MACROD2: variants seen among roughly 807,000 people sequenced by gnomAD.
MACROD2 encodes the protein ADP-ribose glycohydrolase MACROD2.
MACROD2 carries 36 observed loss-of-function variants against 70.4 expected under a neutral mutation model. The ratio of observed to expected loss-of-function variants is 0.51; its 90% CI spans 0.39 to 0.68. The LOEUF (loss-of-function observed/expected upper bound fraction) is 0.68. Ranked by LOEUF, MACROD2 falls within the 30% of genes least tolerant of loss-of-function variation. The pLI is 0.00. For missense variants in MACROD2, 496 were observed against 538.4 expected (o/e 0.92, Z 0.78); for synonymous variants, 172 against 178.8 (o/e 0.96, Z 0.30).
intron 17 of MACROD2, among the ~76,000 whole-genome samples, chr20:16,046,089 T>G (rs1239509983): frequency 6.6e-6 from 1 of 152,206 alleles, no homozygotes; most frequent in East Asian, 1.9e-4. Flanking sequence ...CTGTACCTCC[T>G]TGCACTCACT....
intron 4 of MACROD2, among the ~76,000 whole-genome samples, chr20:14,509,674 ATTTATGTGAGGAG>A (rs1208559893): frequency 6.6e-6 from 1 of 151,926 alleles, no homozygotes; most frequent in African/African-American, 2.4e-5. Context: ...TACTCCTCAC[ATTTATGTGAGGAG>A]TAAATGAGTT....
At chr20:15,145,326 T>A (rs1657969) in intron 5 of MACROD2, among the ~76,000 whole-genome samples, 1 of 152,040 alleles carries the variant, frequency 6.6e-6, no homozygotes, top group East Asian at 1.9e-4. Flanking sequence ...CTTTTCCAAA[T>A]TGAAGTTCAT....
intron 4 of MACROD2, among the ~76,000 whole-genome samples, chr20:14,608,356 T>C (rs926798721): frequency 1.3e-5 from 2 of 152,182 alleles, no homozygotes; most frequent in African/African-American, 4.8e-5. Context: ...CTTTTATTTC[T>C]CTTTTGGCCC....
chr20:14,368,486 T>G, intron 3 of MACROD2, among the ~76,000 whole-genome samples: 1 of 151,246 alleles, frequency 6.6e-6, no homozygotes, highest in African/African-American at 2.4e-5. Context: ...GAGCTTGCAA[T>G]GAGCCGAGAT....
At chr20:16,029,374 A>G (rs558769370) in intron 15 of MACROD2, among the ~76,000 whole-genome samples, 1 of 152,354 alleles carries the variant, frequency 6.6e-6, no homozygotes, top group African/African-American at 2.4e-5. Flanking sequence ...CACAACGAAT[A>G]CCTAGAAGAA....
chr20:15,766,782 G>A (rs770069281), intron 8 of MACROD2, among the ~76,000 whole-genome samples: 5 of 152,092 alleles, frequency 3.3e-5, no homozygotes, highest in Admixed American at 2.0e-4. Flanking sequence ...ATAACAAACC[G>A]CCTCATAGTA....
At chr20:15,110,714 G>A (rs1050867571) in intron 5 of MACROD2, among the ~76,000 whole-genome samples, 7 of 152,240 alleles carry the variant, frequency 4.6e-5, no homozygotes, top group Middle Eastern at 3.4e-3. Flanking sequence ...CTCCTTCTGC[G>A]AGGGACTATG....
At chr20:15,593,170 TG>T (rs2048701693) in intron 8 of MACROD2, among the ~76,000 whole-genome samples, 1 of 152,174 alleles carries the variant, frequency 6.6e-6, no homozygotes, top group Non-Finnish European at 1.5e-5. Flanking sequence ...ATTATCAAGT[TG>T]TTTTTTGGAA....
chr20:14,087,755 C>G (rs2054096563), intron 3 of MACROD2, among the ~76,000 whole-genome samples: 1 of 152,044 alleles, frequency 6.6e-6, no homozygotes, highest in Non-Finnish European at 1.5e-5. Flanking sequence ...AAGTCCTCTC[C>G]TGTAGTTTTA....
At chr20:14,700,522 GGTGTGTGTGTGT>G (rs149689043) in intron 5 of MACROD2, among the ~76,000 whole-genome samples, 2 of 111,460 alleles carry the variant, frequency 1.8e-5, no homozygotes, top group African/African-American at 6.4e-5. Flanking sequence ...GACATATGGT[GGTGTGTGTGTGT>G]GTGTGTGTGT....
intron 3 of MACROD2, among the ~76,000 whole-genome samples, chr20:14,129,057 T>C (rs1039054775): frequency 1.3e-5 from 2 of 152,238 alleles, no homozygotes; most frequent in Non-Finnish European, 2.9e-5. Flanking sequence ...TTTCAACTTT[T>C]AAGTTTTATT....
At chr20:15,737,957 TAGAC>T (rs1173418769) in intron 8 of MACROD2, among the ~76,000 whole-genome samples, 5 of 151,832 alleles carry the variant, frequency 3.3e-5, no homozygotes, top group African/African-American at 1.2e-4. Context: ...AAAACACAGG[TAGAC>T]AGACAGGTAA....
chr20:15,060,141 C>G (rs1292250208), intron 5 of MACROD2, among the ~76,000 whole-genome samples: 1 of 152,190 alleles, frequency 6.6e-6, no homozygotes, highest in African/African-American at 2.4e-5. Flanking sequence ...CTTGCTGTCC[C>G]TAATTCAGTT....
intron 5 of MACROD2, among the ~76,000 whole-genome samples, chr20:14,988,929 A>G (rs916463111): frequency 2.0e-4 from 30 of 152,240 alleles, no homozygotes; most frequent in Admixed American, 5.2e-4. Flanking sequence ...CTAAAAATAT[A>G]CTTTCACATG....
chr20:16,041,105 G>T (rs2067301634), intron 15 of MACROD2, 96 bp from the exon 16 acceptor site: 1 of 1,025,038 alleles, frequency 9.8e-7, no homozygotes, highest in South Asian at 1.5e-5. Flanking sequence ...GAGTATTTTT[G>T]AATTTAAAAG....
intron 5 of MACROD2, among the ~76,000 whole-genome samples, chr20:15,130,960 A>C (rs997364466): frequency 6.6e-6 from 1 of 152,010 alleles, no homozygotes; most frequent in African/African-American, 2.4e-5. Flanking sequence ...TAATTACAAA[A>C]CCAGAGAGGA....
chr20:15,236,621 G>T (rs1466562768), intron 6 of MACROD2, among the ~76,000 whole-genome samples: 1 of 152,214 alleles, frequency 6.6e-6, no homozygotes. Flanking sequence ...GAAGGAAACT[G>T]CCTTCCCTGT....
At chr20:15,213,489 A>G (rs2076781703) in intron 5 of MACROD2, among the ~76,000 whole-genome samples, 1 of 152,036 alleles carries the variant, frequency 6.6e-6, no homozygotes, top group African/African-American at 2.4e-5. Context: ...TCTTCTCCCC[A>G]AAGAATTGTT....
intron 8 of MACROD2, among the ~76,000 whole-genome samples, chr20:15,576,494 T>C (rs1043730871): frequency 6.6e-5 from 10 of 152,138 alleles, no homozygotes; most frequent in African/African-American, 2.4e-4. Context: ...AAGATATTTT[T>C]CTGGTCAAAA....
Sources: allele counts gnomAD v4.1 joint callset (sites outside exome capture counted in the v4.1 genomes callset), GRCh38; gene constraint gnomAD v4.1.1; transcripts MANE v1.5; gene names NCBI Gene and HGNC (gene_info 2026-07-23, HGNC 2026-07-21).